The following KIF25 variants were observed in gnomAD, a reference collection of about 807,000 sequenced individuals.
KIF25 encodes kinesin family member 25, also known as kinesin-like protein KIF25.
KIF25 carries 19 observed loss-of-function variants against 32.9 expected under a neutral mutation model. The observed-to-expected ratio is 0.58, with a 90% CI of 0.40 to 0.85. The LOEUF (loss-of-function observed/expected upper bound fraction) is 0.85. KIF25 is among the 40% of genes least tolerant of loss of function. The pLI, the probability that KIF25 is intolerant of heterozygous loss-of-function variation, is 0.00. For missense variants in KIF25, 485 were observed against 507.0 expected (o/e 0.96, Z 0.42); for synonymous variants, 225 against 213.7 (o/e 1.05, Z -0.46).
In KIF25 at chr6:168,040,119, C is replaced by T; in HGVS notation, c.549C>T (p.Leu183=). 1 of 1,614,120 alleles carries T rather than the reference C, an allele frequency of 6.2e-7. No homozygotes were observed. The highest frequency in any genetic ancestry group is 8.5e-7 in the Non-Finnish European group (1 of 1,180,024). ...AGCTCGTTCATGGAGGTCTGCAGCTCAGGGCGAAGCACCCCACCCTGGTGC... is the reference window on the plus strand; with the variant it reads ...AGCTCGTTCATGGAGGTCTGCAGCTTAGGGCGAAGCACCCCACCCTGGTGC... ...LMELVHGGLQ[L]RAKHPTLVHA... is the part of the protein sequence containing the mutation. The change falls in exon 10 of 13, where the codon CTC becomes CTT. Residue 183 remains leucine, a synonymous_variant. Transcript: ENST00000643607.
chr6:168,040,241 A>G (rs1394298998), intron 10 of KIF25, 25 bp downstream of exon 10: 1 of 1,592,012 alleles, frequency 6.3e-7, no homozygotes, highest in Non-Finnish European at 8.6e-7. Context: ...GTGCTTGGTC[A>G]GTGGCAAGTA....
At chr6:168,038,765 G>A (rs759057259) in intron 9 of KIF25, 36 bp downstream of exon 9, 1 of 1,599,096 alleles carries the variant, frequency 6.3e-7, no homozygotes, top group South Asian at 1.1e-5. Flanking sequence ...GCTGGCCTCT[G>A]AGTGAGAATG....
rs1032932230 is a variant in KIF25 at position 167,998,283 on chromosome 6, C to T, written c.-1186C>T. 1 of 152,138 alleles carries T rather than the reference C, an allele frequency of 6.6e-6. No individual in the cohort carries two copies. The highest frequency in any genetic ancestry group is 1.5e-5 in the Non-Finnish European group (1 of 68,052). 9.4% of individuals were successfully genotyped at this position (152,138 alleles called of 1,614,324 possible). A position where few individuals can be genotyped will look rare whatever the true frequency, so the allele number is the denominator to read the frequency against. ...GAGTGTTCCACCTCAAGCCTGGTCT[C>T]CTGGTCTAGCTGAGGAGCGTGCAGT... On this transcript the variant is annotated 5_prime_UTR_variant, in exon 1 of 13. Coordinates refer to ENST00000643607, the MANE Select transcript of KIF25 (RefSeq NM_030615.4).
intron 5 of KIF25, among the ~76,000 whole-genome samples, chr6:168,027,223 C>T (rs914228290): frequency 1.6e-4 from 24 of 152,164 alleles, no homozygotes; most frequent in East Asian, 1.9e-4. Context: ...GAGGCAGAGG[C>T]GGGCAGATTG....
intron 4 of KIF25, among the ~76,000 whole-genome samples, chr6:168,012,106 G>T (rs997923930): frequency 1.3e-5 from 2 of 151,942 alleles, no homozygotes; most frequent in East Asian, 3.9e-4. Flanking sequence ...TATGTTCATT[G>T]AATTGTCTGT....
chr6:168,022,805 C>T (rs1798806318), intron 5 of KIF25, among the ~76,000 whole-genome samples: 1 of 132,760 alleles, frequency 7.5e-6, no homozygotes, highest in Non-Finnish European at 1.6e-5. Flanking sequence ...CTTGTGTACT[C>T]TTGGCTGTGG....
chr6:168,040,558 C>T (rs1799104011), intron 10 of KIF25, among the ~76,000 whole-genome samples: 1 of 148,616 alleles, frequency 6.7e-6, no homozygotes, highest in Non-Finnish European at 1.5e-5. Flanking sequence ...AGAGCAAAAA[C>T]TCTGTTAAAA....
chr6:168,034,595 G>T (rs960068823), intron 8 of KIF25, among the ~76,000 whole-genome samples: 2 of 152,156 alleles, frequency 1.3e-5, no homozygotes, highest in African/African-American at 4.8e-5. Context: ...CGAGTTACAG[G>T]GTTCCTTAGG....
At position 168,040,150 on chromosome 6, in the gene KIF25, G is replaced by C; in HGVS notation, c.580G>C (p.Asp194His). ...GAAGCACCCCACCCTGGTGCACGCG[G>C]ATTCCTCCAGGTCTCACCTGATAAT... ...RAKHPTLVHADSSRSHLIITV... is the reference protein window; with the variant it reads ...RAKHPTLVHAHSSRSHLIITV... Residue 194 changes from aspartate to histidine, a missense_variant, in exon 10 of 13, where the codon GAT becomes CAT. This residue lies in a region of KIF25 where 480 missense variants were observed against 470.3 expected (regional missense o/e 1.02). Coordinates refer to ENST00000643607, the MANE Select transcript of KIF25 (RefSeq NM_030615.4). 6.2e-7 allele frequency: 1 copy of C among 1,614,072 alleles called. No individual in the cohort carries two copies. The highest frequency in any genetic ancestry group is 8.5e-7 in the Non-Finnish European group (1 of 1,180,032).
At chr6:168,034,282 A>C (rs992124652) in intron 8 of KIF25, among the ~76,000 whole-genome samples, 1 of 152,150 alleles carries the variant, frequency 6.6e-6, no homozygotes, top group African/African-American at 2.4e-5. Flanking sequence ...TTTTAGAGAC[A>C]AGGTCTTGCT....
intron 7 of KIF25, 38 bp from the exon 8 acceptor site, chr6:168,033,844 C>T (rs774181306): frequency 6.9e-6 from 11 of 1,586,958 alleles, no homozygotes; most frequent in Admixed American, 1.7e-5. Flanking sequence ...TTGGCACCCA[C>T]GTGTGTTTTG....
intron 10 of KIF25, among the ~76,000 whole-genome samples, chr6:168,041,227 C>T (rs1799113861): frequency 6.6e-6 from 1 of 152,216 alleles, no homozygotes; most frequent in Admixed American, 6.5e-5. Context: ...GCACTTGAAA[C>T]ATTTGGCCTC....
intron 2 of KIF25, among the ~76,000 whole-genome samples, chr6:168,002,113 TGAGGCGTGGCCTCGGGCAGGTGAGA>T (rs1562379100): frequency 0.098 from 4,922 of 50,222 alleles, 696 homozygotes; most frequent in Admixed American, 0.12. Flanking sequence ...GAAAGACACC[TGAGGCGTGGCCTCGGGCAGGTGAGA>T]AGACACCTGA....
intron 4 of KIF25, among the ~76,000 whole-genome samples, chr6:168,012,810 A>G (rs886881753): frequency 6.6e-6 from 1 of 151,978 alleles, no homozygotes; most frequent in Non-Finnish European, 1.5e-5. Flanking sequence ...TGTGTTTGCC[A>G]GGGGCTGCCC....
intron 3 of KIF25, 112 bp downstream of exon 3, chr6:168,002,771 T>G (rs1027059286): frequency 6.6e-6 from 1 of 152,220 alleles, no homozygotes; most frequent in Non-Finnish European, 1.5e-5. Flanking sequence ...TACAACAAAA[T>G]AATAATACAA....
intron 4 of KIF25, among the ~76,000 whole-genome samples, chr6:168,017,662 G>A (rs1398274141): frequency 1.3e-5 from 2 of 152,152 alleles, no homozygotes; most frequent in Admixed American, 6.5e-5. Context: ...GCAGATTGAG[G>A]AGCTCTGTTG....
chr6:168,032,513 C>T lies in KIF25; in HGVS notation c.168-1369C>T, dbSNP rs191864147. On this transcript the variant is annotated intron_variant, in intron 7 of 12. Coordinates refer to ENST00000643607, the MANE Select transcript of KIF25 (RefSeq NM_030615.4). Reference sequence around the variant, plus strand: ...AAGGAAAACTCACAGGATGGTAACGCAGAGGCCTGATCAGCTTGGCGGGAG... The same window carrying T: ...AAGGAAAACTCACAGGATGGTAACGTAGAGGCCTGATCAGCTTGGCGGGAG... 2.4e-3 allele frequency among the ~76,000 whole-genome samples: 368 copies of T among 152,290 alleles called. 1 individual carries two copies. The highest frequency in any genetic ancestry group is 0.017 in the Middle Eastern group (5 of 294).
chr6:168,027,066 C>T (rs1337788167), intron 5 of KIF25, among the ~76,000 whole-genome samples: 3 of 152,078 alleles, frequency 2.0e-5, no homozygotes, highest in Non-Finnish European at 4.4e-5. Flanking sequence ...TCAGAAGCCA[C>T]CAACACAGCA....
chr6:168,035,435 C>CTGCGGGGGG (rs1238186330), intron 8 of KIF25, among the ~76,000 whole-genome samples: 1,304 of 6,374 alleles, frequency 0.2, 4 homozygotes, highest in East Asian at 0.3. Context: ...TGGAACGGCG[C>CTGCGGGGGG]GGCGGAGGAG....
Sources: gnomAD v4.1 joint callset for allele counts (sites outside exome capture counted in the v4.1 genomes callset) on GRCh38, gnomAD v4.1.1 for gene constraint, gnomAD v4.1.1 regional missense constraint, MANE v1.5 for transcripts, NCBI Gene and HGNC (gene_info 2026-07-23, HGNC 2026-07-21) for gene names.